Variants in MAD1L1 observed in about 807,000 individuals in gnomAD.
The protein encoded by MAD1L1 is mitotic arrest deficient 1 like 1, also known as mitotic spindle assembly checkpoint protein MAD1.
A neutral mutation model predicts 96.9 loss-of-function variants in MAD1L1; 95 were observed. That is an observed-to-expected ratio of 0.98 (90% confidence interval 0.83 to 1.16). The LOEUF (loss-of-function observed/expected upper bound fraction) is 1.16. Among genes scored for constraint, MAD1L1 ranks in the 50% most tolerant of loss-of-function variants. The probability of loss-of-function intolerance (pLI) is 0.00; values close to 1 mark genes in which losing one functional copy is unlikely to be tolerated. For missense variants in MAD1L1, 1,007 were observed against 954.4 expected (o/e 1.06, Z -0.73); for synonymous variants, 473 against 396.6 (o/e 1.19, Z -2.29).
chr7:1,929,141 T>C (rs915258019), intron 17 of MAD1L1, among the ~76,000 whole-genome samples: 3 of 151,906 alleles, frequency 2.0e-5, no homozygotes, highest in Non-Finnish European at 4.4e-5. Flanking sequence ...GCCAACCATC[T>C]TCCCCTCCCT....
intron 11 of MAD1L1, among the ~76,000 whole-genome samples, chr7:2,127,495 G>A (rs775325469): frequency 1.7e-4 from 26 of 152,296 alleles, no homozygotes; most frequent in Non-Finnish European, 3.4e-4. Flanking sequence ...AGCTGCACAC[G>A]GGGGAGCGGG....
chr7:2,017,240 C>T (rs190687464), intron 12 of MAD1L1, among the ~76,000 whole-genome samples: 4 of 152,360 alleles, frequency 2.6e-5, no homozygotes, highest in East Asian at 1.9e-4. Context: ...TCAGCAAATG[C>T]GGTGATTAAC....
At chr7:1,908,215 C>T (rs911079181) in intron 17 of MAD1L1, among the ~76,000 whole-genome samples, 2 of 152,242 alleles carry the variant, frequency 1.3e-5, no homozygotes, top group African/African-American at 4.8e-5. Context: ...GCTGCAGCTG[C>T]CCCGCAACTC....
chr7:2,162,493 TGTTCAC>T (rs1367806312), intron 10 of MAD1L1, among the ~76,000 whole-genome samples: 1 of 151,984 alleles, frequency 6.6e-6, no homozygotes, highest in Non-Finnish European at 1.5e-5. Context: ...CAGAGACCTT[TGTTCAC>T]GTGTTTATCT....
intron 12 of MAD1L1, among the ~76,000 whole-genome samples, chr7:2,020,273 C>G (rs551475498): frequency 6.6e-6 from 1 of 152,200 alleles, no homozygotes; most frequent in Non-Finnish European, 1.5e-5. Flanking sequence ...CACTAACCCC[C>G]GCTCTGGGCT....
intron 11 of MAD1L1, among the ~76,000 whole-genome samples, chr7:2,097,732 G>T (rs907564243): frequency 3.9e-5 from 6 of 152,326 alleles, no homozygotes; most frequent in African/African-American, 1.4e-4. Context: ...CAGCAGCAGG[G>T]GCTGCCCGGA....
At chr7:2,082,582 C>T (rs773914460) in intron 11 of MAD1L1, among the ~76,000 whole-genome samples, 14 of 152,182 alleles carry the variant, frequency 9.2e-5, no homozygotes, top group Non-Finnish European at 1.6e-4. Context: ...GGCAGCAGGC[C>T]AAGTGGAAGG....
chr7:2,005,292 A>G lies in MAD1L1; in HGVS notation c.1360-3171T>C, dbSNP rs1190549729. On this transcript the variant is annotated intron_variant, in intron 13 of 18. Coordinates refer to ENST00000265854, the MANE Select transcript of MAD1L1 (RefSeq NM_001013836.2). ...ACACACAGGTGTCACTCAGACTGCA[A>G]AGAGACATCCACGGGGTCCTGTGTG... Among the ~76,000 whole-genome samples, 3 of 152,228 alleles carry G rather than the reference A, an allele frequency of 2.0e-5. No individual in the cohort carries two copies. In the East Asian group the frequency reaches 5.8e-4, roughly 29 times the overall value.
chr7:2,055,225 C>T (rs570875795), intron 12 of MAD1L1, among the ~76,000 whole-genome samples: 7 of 152,298 alleles, frequency 4.6e-5, no homozygotes, highest in East Asian at 3.9e-4. Context: ...CACGCCAGGA[C>T]GTGTGTCCTC....
intron 11 of MAD1L1, among the ~76,000 whole-genome samples, chr7:2,110,102 C>A (rs1281157498): frequency 1.3e-5 from 2 of 152,254 alleles, no homozygotes; most frequent in Admixed American, 6.5e-5. Context: ...TAAACCACAG[C>A]CGATTTTCCT....
chr7:2,069,806 G>A (rs559400297), intron 11 of MAD1L1, among the ~76,000 whole-genome samples: 3 of 152,390 alleles, frequency 2.0e-5, no homozygotes, highest in African/African-American at 7.2e-5. Context: ...GAGGCCTCCT[G>A]TGGGCCGACG....
intron 10 of MAD1L1, among the ~76,000 whole-genome samples, chr7:2,178,002 G>A (rs1380342698): frequency 8.5e-5 from 13 of 152,198 alleles, no homozygotes. Context: ...ATGGTTTCAT[G>A]AGTTTATAAA....
At chr7:1,837,643 C>T (rs1206920586) in intron 18 of MAD1L1, among the ~76,000 whole-genome samples, 1 of 152,218 alleles carries the variant, frequency 6.6e-6, no homozygotes, top group Non-Finnish European at 1.5e-5. Context: ...GGATAAATCT[C>T]AAACTAACTA....
chr7:1,851,042 G>A (rs1162061010), intron 18 of MAD1L1, among the ~76,000 whole-genome samples: 8 of 152,228 alleles, frequency 5.3e-5, no homozygotes, highest in African/African-American at 7.2e-5. Context: ...GTGGCAGCCC[G>A]GCTGGAGCCA....
At chr7:1,843,541 G>T (rs1056505409) in intron 18 of MAD1L1, among the ~76,000 whole-genome samples, 6 of 152,182 alleles carry the variant, frequency 3.9e-5, no homozygotes, top group African/African-American at 1.4e-4. Flanking sequence ...AAGTGCAATT[G>T]GTTAGTCACG....
At chr7:2,220,409 C>A (rs1343512100) in intron 5 of MAD1L1, among the ~76,000 whole-genome samples, 1 of 152,256 alleles carries the variant, frequency 6.6e-6, no homozygotes, top group East Asian at 1.9e-4. Context: ...GCTCAGAAAA[C>A]CCCAGGTGTC....
intron 15 of MAD1L1, among the ~76,000 whole-genome samples, chr7:1,960,298 AAC>A (rs1163907717): frequency 6.6e-6 from 1 of 152,174 alleles, no homozygotes; most frequent in African/African-American, 2.4e-5. Context: ...ATGAGTAGAA[AAC>A]AGTCAAATGA....
intron 5 of MAD1L1, chr7:2,220,872 A>G (rs1793564789): frequency 6.2e-7 from 1 of 1,604,946 alleles, no homozygotes; most frequent in South Asian, 1.1e-5. Flanking sequence ...TCCGAACTCA[A>G]TTAATACGCA....
intron 16 of MAD1L1, among the ~76,000 whole-genome samples, chr7:1,942,433 C>T (rs946691929): frequency 5.9e-5 from 9 of 152,324 alleles, no homozygotes; most frequent in African/African-American, 1.7e-4. Flanking sequence ...TTCCATGCCT[C>T]GGAGCCCGCG....
Sources: allele counts gnomAD v4.1 joint callset (sites outside exome capture counted in the v4.1 genomes callset), GRCh38; gene constraint gnomAD v4.1.1; transcripts MANE v1.5; gene names NCBI Gene and HGNC (gene_info 2026-07-23, HGNC 2026-07-21).